The following SHCBP1 variants were observed in gnomAD, a reference collection of about 807,000 sequenced individuals.
SHCBP1 encodes the protein SHC SH2 domain-binding protein 1.
Under a neutral mutation model 75.1 loss-of-function variants are expected in SHCBP1, and 60 were observed. That is an observed-to-expected ratio of 0.80 (90% CI 0.65 to 0.99). SHCBP1 has a LOEUF of 0.99. Ranked by LOEUF, SHCBP1 falls within the 50% of genes least tolerant of loss-of-function variation. SHCBP1 has a pLI of 0.00. For missense variants in SHCBP1, 709 were observed against 809.4 expected (o/e 0.88, Z 1.50); for synonymous variants, 290 against 293.2 (o/e 0.99, Z 0.11).
intron 9 of SHCBP1, among the ~76,000 whole-genome samples, chr16:46,596,363 C>T (rs768065057): frequency 1.3e-5 from 2 of 151,712 alleles, no homozygotes; most frequent in Non-Finnish European, 2.9e-5. Context: ...AAAAATTAGC[C>T]GAGCGTGGTG....
chr16:46,612,608 G>A (rs1018094966), intron 4 of SHCBP1, among the ~76,000 whole-genome samples: 4 of 151,988 alleles, frequency 2.6e-5, no homozygotes, highest in South Asian at 2.1e-4. Flanking sequence ...GCCCTATTGC[G>A]CCTCTCCTGC....
chr16:46,590,540 T>G (rs1199607680), intron 10 of SHCBP1, among the ~76,000 whole-genome samples: 1 of 152,168 alleles, frequency 6.6e-6, no homozygotes, highest in South Asian at 2.1e-4. Flanking sequence ...AGAAGACATT[T>G]ATGCAGCCAA....
At chr16:46,584,184 A>T (rs1964918022) in intron 10 of SHCBP1, 95 bp from the exon 11 acceptor site, 2 of 784,540 alleles carry the variant, frequency 2.5e-6, no homozygotes, top group Middle Eastern at 3.1e-4. Flanking sequence ...AACACAGTAC[A>T]AATGTACAGC....
chr16:46,594,232 A>G (rs1352238632), intron 10 of SHCBP1, among the ~76,000 whole-genome samples: 1 of 152,202 alleles, frequency 6.6e-6, no homozygotes, highest in African/African-American at 2.4e-5. Flanking sequence ...ATAAAAGGAA[A>G]AACTGATACA....
chr16:46,607,642 T>C (rs571851109), intron 5 of SHCBP1, among the ~76,000 whole-genome samples: 29 of 152,330 alleles, frequency 1.9e-4, no homozygotes, highest in African/African-American at 6.7e-4. Context: ...GTGCAATTTA[T>C]AATTTTATTA....
At chr16:46,609,484 T>TCTTGTGG (rs1965375179) in intron 4 of SHCBP1, among the ~76,000 whole-genome samples, 1 of 122,430 alleles carries the variant, frequency 8.2e-6, no homozygotes, top group Non-Finnish European at 1.6e-5. Flanking sequence ...GGAGTCTCGC[T>TCTTGTGG]CTTGTGGCCC....
At chr16:46,617,347 T>C (rs1196269054) in intron 3 of SHCBP1, among the ~76,000 whole-genome samples, 1 of 152,186 alleles carries the variant, frequency 6.6e-6, no homozygotes, top group Non-Finnish European at 1.5e-5. Context: ...AATTAAGAAG[T>C]TAAACACTTT....
At chr16:46,584,419 T>C (rs185526392) in intron 10 of SHCBP1, among the ~76,000 whole-genome samples, 1 of 152,196 alleles carries the variant, frequency 6.6e-6, no homozygotes, top group Non-Finnish European at 1.5e-5. Context: ...AAAAAAGTCA[T>C]TTAACAATTT....
chr16:46,604,519 T>C, intron 5 of SHCBP1, 58 bp from the exon 6 acceptor site: 1 of 1,221,236 alleles, frequency 8.2e-7, no homozygotes, highest in East Asian at 2.3e-5. Flanking sequence ...TTCCTATCAT[T>C]AAAACAGCCC....
chr16:46,606,684 T>G (rs745992240), intron 5 of SHCBP1, among the ~76,000 whole-genome samples: 7 of 152,216 alleles, frequency 4.6e-5, no homozygotes, highest in Non-Finnish European at 8.8e-5. Flanking sequence ...GGGATTTTAT[T>G]GAATATGCTA....
At chr16:46,594,899 C>A (rs1351185705) in intron 10 of SHCBP1, among the ~76,000 whole-genome samples, 1 of 152,184 alleles carries the variant, frequency 6.6e-6, no homozygotes, top group Non-Finnish European at 1.5e-5. Context: ...TTGGACTATT[C>A]CTCCACAGTA....
intron 10 of SHCBP1, among the ~76,000 whole-genome samples, chr16:46,587,424 T>G (rs928984437): frequency 6.6e-6 from 1 of 151,986 alleles, no homozygotes; most frequent in East Asian, 1.9e-4. Context: ...AGATTTAATA[T>G]CAATAATTAA....
intron 10 of SHCBP1, among the ~76,000 whole-genome samples, chr16:46,593,841 T>C (rs1156885153): frequency 1.3e-5 from 2 of 152,070 alleles, no homozygotes; most frequent in Non-Finnish European, 2.9e-5. Context: ...GACATATGGG[T>C]TTATTAAAGT....
At chr16:46,607,213 G>A (rs1040560104) in intron 5 of SHCBP1, among the ~76,000 whole-genome samples, 1 of 152,124 alleles carries the variant, frequency 6.6e-6, no homozygotes, top group African/African-American at 2.4e-5. Flanking sequence ...AAATTAGCTC[G>A]GTGTGGTGGC....
At chr16:46,609,057 C>T (rs931004082) in intron 4 of SHCBP1, among the ~76,000 whole-genome samples, 2 of 152,130 alleles carry the variant, frequency 1.3e-5, no homozygotes, top group South Asian at 2.1e-4. Flanking sequence ...AAGGTCAGGG[C>T]TGGAAACATA....
chr16:46,621,321 T>A lies in SHCBP1; in HGVS notation c.39A>T (p.Ala13=). The A allele has an allele frequency of 6.2e-7, 1 of 1,611,562 alleles. No individual in the cohort carries two copies. The highest frequency in any genetic ancestry group is 8.5e-7 in the Non-Finnish European group (1 of 1,179,318). ...DGSLTGGGLE[A]AAMAPERMGW... is the part of the protein sequence containing the mutation. The stretch of plus-strand genomic sequence containing the variant: ...CCATGCGCTCCGGCGCCATGGCCGC[T>A]GCCTCCAGACCGCCGCCCGTCAGCG... Residue 13 remains alanine, a synonymous_variant, in exon 1 of 13, where the codon GCA becomes GCT. Transcript: ENST00000303383.
intron 4 of SHCBP1, among the ~76,000 whole-genome samples, chr16:46,611,735 C>G (rs1360002689): frequency 2.0e-5 from 3 of 152,112 alleles, no homozygotes; most frequent in East Asian, 1.9e-4. Flanking sequence ...AAGAACCTAC[C>G]AACAACAGTA....
At position 46,580,305 on chromosome 16, in the gene SHCBP1, T is replaced by A. The variant is rs1425960248; in HGVS notation, c.*1424A>T. Reference sequence around the variant, plus strand: ...TCCTTGCAACAAGATTTTTTAAAAGTAAAAATACCTTTCAATGATCAAATA... The same window carrying A: ...TCCTTGCAACAAGATTTTTTAAAAGAAAAAATACCTTTCAATGATCAAATA... On this transcript the variant is annotated 3_prime_UTR_variant, in exon 13 of 13. Coordinates refer to ENST00000303383, the MANE Select transcript of SHCBP1 (RefSeq NM_024745.5). Among the ~76,000 whole-genome samples, 1 of 152,052 alleles carries A rather than the reference T, an allele frequency of 6.6e-6. No individual in the cohort carries two copies. The highest frequency in any genetic ancestry group is 6.6e-5 in the Admixed American group (1 of 15,264).
chr16:46,588,379 G>C (rs1226722221), intron 10 of SHCBP1, among the ~76,000 whole-genome samples: 1 of 152,122 alleles, frequency 6.6e-6, no homozygotes, highest in Non-Finnish European at 1.5e-5. Flanking sequence ...ATGAATCCAG[G>C]AGTTGGTTTT....
Sources: allele counts gnomAD v4.1 joint callset (sites outside exome capture counted in the v4.1 genomes callset), GRCh38; gene constraint gnomAD v4.1.1; transcripts MANE v1.5; gene names NCBI Gene and HGNC (gene_info 2026-07-23, HGNC 2026-07-21).